Variants in LRGUK observed in about 807,000 individuals in gnomAD.
The protein encoded by LRGUK is leucine rich repeats and guanylate kinase domain containing, also known as leucine-rich repeat and guanylate kinase domain-containing protein.
LRGUK carries 65 observed loss-of-function variants against 76.0 expected under a neutral mutation model. The ratio of observed to expected loss-of-function variants is 0.85; its 90% CI spans 0.70 to 1.05. The LOEUF (loss-of-function observed/expected upper bound fraction) is 1.05. Ranked by LOEUF, LRGUK falls within the 50% of genes least tolerant of loss-of-function variation. LRGUK has a pLI of 0.00. For missense variants in LRGUK, 758 were observed against 732.8 expected, an observed-to-expected ratio of 1.03 and a Z score of -0.40; for synonymous variants, 268 against 265.6, an observed-to-expected ratio of 1.01 and a Z score of -0.09.
Position 134,197,123 on chromosome 7 carries a change from A to G in LRGUK, c.1545+18A>G. 2 of 1,416,578 alleles carry G rather than the reference A, an allele frequency of 1.4e-6. No homozygotes were observed. The highest frequency in any genetic ancestry group is 2.0e-6 in the Non-Finnish European group (2 of 1,001,270). 87.8% of individuals were successfully genotyped at this position (1,416,578 alleles called of 1,614,324 possible). A position where few individuals can be genotyped will look rare whatever the true frequency, so the allele number is the denominator to read the frequency against. On this transcript the variant is annotated intron_variant, in intron 13 of 15. Transcript: ENST00000645682. ...AAATAGAAGTAAGTGTTTTCATTCAACCAATTAATGTGTGTGTAGTTTGTG... is the reference window on the plus strand; with the variant it reads ...AAATAGAAGTAAGTGTTTTCATTCAGCCAATTAATGTGTGTGTAGTTTGTG...
chr7:134,153,306 A>G (rs1185418932), intron 5 of LRGUK, among the ~76,000 whole-genome samples: 1 of 152,096 alleles, frequency 6.6e-6, no homozygotes, highest in East Asian at 1.9e-4. Context: ...TAAGATACCA[A>G]TTTTTTTATT....
exon 16 of LRGUK, chr7:134,209,512 G>A (rs763888925): frequency 1.8e-5 from 7 of 399,088 alleles, no homozygotes; most frequent in Non-Finnish European, 2.7e-5. Flanking sequence ...GGGGAGCCCC[G>A]GGGACCTTGC....
chr7:134,217,677 G>A (rs1230861504), intron 15 of LRGUK, among the ~76,000 whole-genome samples: 2 of 152,084 alleles, frequency 1.3e-5, no homozygotes, highest in African/African-American at 2.4e-5. Flanking sequence ...GCCACCTTTA[G>A]TTTTGAGATA....
chr7:134,202,441 A>C (rs1029835893), intron 15 of LRGUK, among the ~76,000 whole-genome samples: 8 of 152,196 alleles, frequency 5.3e-5, no homozygotes, highest in African/African-American at 1.7e-4. Context: ...AGGTTCCTCA[A>C]AAAATTAGCA....
At chr7:134,206,001 C>G (rs1028964528) in intron 15 of LRGUK, among the ~76,000 whole-genome samples, 1 of 152,144 alleles carries the variant, frequency 6.6e-6, no homozygotes, top group Non-Finnish European at 1.5e-5. Context: ...ACTAAGAGTA[C>G]AAGCTGAATT....
At chr7:134,254,744 A>G (rs1020515297) in intron 18 of LRGUK, among the ~76,000 whole-genome samples, 13 of 152,240 alleles carry the variant, frequency 8.5e-5, no homozygotes, top group African/African-American at 2.9e-4. Context: ...TCATATGCAA[A>G]GATATTCATT....
At chr7:134,255,909 G>A (rs1181150990) in intron 18 of LRGUK, among the ~76,000 whole-genome samples, 1 of 152,016 alleles carries the variant, frequency 6.6e-6, no homozygotes, top group Admixed American at 6.6e-5. Context: ...TGAGACAGCT[G>A]GGGAGGTCAA....
intron 2 of LRGUK, among the ~76,000 whole-genome samples, chr7:134,137,772 C>T (rs1372163975): frequency 6.6e-6 from 1 of 151,824 alleles, no homozygotes; most frequent in Non-Finnish European, 1.5e-5. Flanking sequence ...CCTAGAAAAA[C>T]AATTTAAGTC....
intron 12 of LRGUK, 123 bp from the exon 13 acceptor site, chr7:134,196,869 T>C (rs1331947643): frequency 3.7e-5 from 21 of 574,174 alleles, no homozygotes; most frequent in Non-Finnish European, 3.1e-6. Flanking sequence ...GTCATCCTTA[T>C]ATAGTTGCTA....
chr7:134,219,963 C>G (rs1282610421), intron 15 of LRGUK, among the ~76,000 whole-genome samples: 1 of 152,166 alleles, frequency 6.6e-6, no homozygotes, highest in African/African-American at 2.4e-5. Flanking sequence ...CTTCATCACA[C>G]TTGTCGTTAC....
At chr7:134,204,713 C>A (rs1458765167) in intron 15 of LRGUK, among the ~76,000 whole-genome samples, 1 of 152,178 alleles carries the variant, frequency 6.6e-6, no homozygotes, top group East Asian at 1.9e-4. Flanking sequence ...CTAAAAAGTT[C>A]TAAGGAACAT....
intron 15 of LRGUK, among the ~76,000 whole-genome samples, chr7:134,218,016 C>T (rs529134856): frequency 2.0e-5 from 3 of 152,210 alleles, no homozygotes; most frequent in South Asian, 2.1e-4. Flanking sequence ...ATCTAGAGTG[C>T]GGTGGCACAA....
chr7:134,270,654 C>CTT, the LRGUK span, among the ~76,000 whole-genome samples: 5 of 152,018 alleles, frequency 3.3e-5, no homozygotes, highest in Admixed American at 2.0e-4. Flanking sequence ...CAGCAATTAA[C>CTT]TTTTTTCTCA....
At chr7:134,141,171 G>A (rs1044380096) in intron 3 of LRGUK, among the ~76,000 whole-genome samples, 10 of 152,158 alleles carry the variant, frequency 6.6e-5, no homozygotes, top group African/African-American at 2.4e-4. Context: ...TCATTAGTTC[G>A]TCAACTGTTT....
chr7:134,272,232 G>A, the LRGUK span, among the ~76,000 whole-genome samples: 1 of 151,872 alleles, frequency 6.6e-6, no homozygotes, highest in African/African-American at 2.4e-5. Context: ...TTGATAAGAG[G>A]GTGTTTTCTT....
At chr7:134,259,631 TG>T (rs1233982588) in intron 19 of LRGUK, among the ~76,000 whole-genome samples, 3 of 152,108 alleles carry the variant, frequency 2.0e-5, no homozygotes, top group African/African-American at 7.2e-5. Flanking sequence ...TTCACTGCAG[TG>T]GTATTCAGGA....
chr7:134,260,709 G>A (rs190812117), intron 19 of LRGUK, among the ~76,000 whole-genome samples: 4 of 152,154 alleles, frequency 2.6e-5, no homozygotes, highest in African/African-American at 4.8e-5. Context: ...CTGTTCTATC[G>A]TATCCCTCAA....
At chr7:134,268,717 CTTTTTTTTTTT>C (rs71531815), downstream of LRGUK, among the ~76,000 whole-genome samples, 15 of 57,352 alleles carry the variant, frequency 2.6e-4, no homozygotes, top group Admixed American at 7.7e-4. Flanking sequence ...TGCAAAAAAT[CTTTTTTTTTTT>C]TTTTTTTTTT....
chr7:134,261,945 C>T (rs1377764274), intron 19 of LRGUK, among the ~76,000 whole-genome samples: 12 of 152,174 alleles, frequency 7.9e-5, no homozygotes, highest in African/African-American at 2.9e-4. Flanking sequence ...TTACTTGACC[C>T]CTGCCTAAAT....
Sources: gnomAD v4.1 joint callset for allele counts (sites outside exome capture counted in the v4.1 genomes callset) on GRCh38, gnomAD v4.1.1 for gene constraint, MANE v1.5 for transcripts, NCBI Gene and HGNC (gene_info 2026-07-23, HGNC 2026-07-21) for gene names.